The following ZAN variants were observed in gnomAD, a reference collection of about 807,000 sequenced individuals.
The protein encoded by ZAN is zonadhesin (gene/pseudogene).
ZAN carries 260 observed loss-of-function variants against 286.2 expected under a neutral mutation model. That is an observed-to-expected ratio of 0.91 (90% confidence interval 0.82 to 1.01). The LOEUF is 1.01. Among genes scored for constraint, ZAN ranks in the 50% least tolerant of loss-of-function variants. The probability of loss-of-function intolerance (pLI) is 0.00; values close to 1 mark genes in which losing one functional copy is unlikely to be tolerated. For synonymous variants in ZAN, 1,368 were observed against 1,417.5 expected (o/e 0.97, Z 0.79); for missense variants, 3,410 against 3,639.2 (o/e 0.94, Z 1.62).
At position 100,790,956 on chromosome 7, in the gene ZAN, A is replaced by G. The variant is rs548416081; in HGVS notation, c.7372A>G (p.Ser2458Gly). ...TCCTCCCGCAGTGATCTCCCTACCC[A>G]GCATGTACGAGGGGCTTGTGAGTGG... ...GRKNAVISLP[S>G]MYEGLVSGLC... is the part of the protein sequence containing the mutation. The change falls in exon 40 of 48, where the codon AGC becomes GGC. Residue 2458 changes from serine to glycine, a missense_variant. Transcript: ENST00000613979. 1.2e-6 allele frequency: 2 copies of G among 1,611,064 alleles called. No individual in the cohort carries two copies. The highest frequency in any genetic ancestry group is 1.3e-5 in the African/African-American group (1 of 74,570).
Position 100,755,217 on chromosome 7 carries a change from T to G in ZAN, c.3125-9T>G, listed in dbSNP as rs911798533. ...AATGAAAGCATGACAGAGGCTGTTTTCCCCTTAGAGCGCTGCCCTCCAAAT... is the reference window on the plus strand; with the variant it reads ...AATGAAAGCATGACAGAGGCTGTTTGCCCCTTAGAGCGCTGCCCTCCAAAT... On this transcript the variant is annotated splice_polypyrimidine_tract_variant and intron_variant, in intron 14 of 47. Coordinates refer to ENST00000613979, the MANE Select transcript of ZAN (RefSeq NM_003386.3). 6.2e-7 allele frequency: 1 copy of G among 1,603,482 alleles called. No homozygotes were observed. Among genetic ancestry groups the G allele is most frequent in the Admixed American group, 1.7e-5 (1 of 58,558 alleles).
chr7:100,738,534 CG>C lies in ZAN; in HGVS notation c.691del (p.Ala231ProfsTer46), dbSNP rs1562910814. ...ACTGGACCTGGATCCCAACTGCCTC[CG>C]GGGCCAAGTGGACTCAGAAGAAAGG... ...CDWTWIPTAS[G>X]AKWTQKKGSS... On this transcript the variant is annotated frameshift_variant, in exon 7 of 48. Transcript: ENST00000613979. LOFTEE classifies it high-confidence loss of function. 1.3e-6 allele frequency: 2 copies of C among 1,506,918 alleles called. 1 individual carries two copies. The allele number at this position is 1,506,918 out of a possible 1,614,324, so 93.3% of individuals were successfully genotyped here. A position where few individuals can be genotyped will look rare whatever the true frequency, so the allele number is the denominator to read the frequency against.
intron 33 of ZAN, 78 bp downstream of exon 33, chr7:100,775,911 G>T: frequency 1.9e-6 from 3 of 1,552,418 alleles, no homozygotes; most frequent in Non-Finnish European, 2.6e-6. Context: ...GGGGGGCAGT[G>T]TTCGCATCGT....
At chr7:100,753,348 C>T (rs1808919208) in intron 14 of ZAN, 119 bp downstream of exon 14, 5 of 1,170,850 alleles carry the variant, frequency 4.3e-6, no homozygotes, top group Admixed American at 3.1e-5. Context: ...GCTTCTAGTA[C>T]TCTCAGAGGA....
chr7:100,790,950 C>G lies in ZAN; in HGVS notation c.7366C>G (p.Leu2456Val), dbSNP rs1051470194. The G allele has an allele frequency of 2.5e-6, 4 of 1,611,266 alleles. No individual in the cohort carries two copies. ...CCCCCTTCCTCCCGCAGTGATCTCCCTACCCAGCATGTACGAGGGGCTTGT... is the reference window on the plus strand; with the variant it reads ...CCCCCTTCCTCCCGCAGTGATCTCCGTACCCAGCATGTACGAGGGGCTTGT... ...FGGRKNAVISLPSMYEGLVSG... is the reference protein window; with the variant it reads ...FGGRKNAVISVPSMYEGLVSG... Residue 2456 changes from leucine (L) to valine (V), a missense_variant, in exon 40 of 48, where the codon CTA (leucine) becomes GTA (valine). By Grantham distance (32) the Leu-to-Val change is conservative. This residue lies in a region of ZAN where 1,289 missense variants were observed against 1,314.3 expected (regional missense o/e 0.98). Transcript: ENST00000613979.
rs554036179 is a variant in ZAN, at chr7:100,742,968, G to A, written c.767-3570G>A. Among the ~76,000 whole-genome samples, 30 of 124,026 alleles carry A rather than the reference G, an allele frequency of 2.4e-4. 2 individuals carry two copies. Among genetic ancestry groups the A allele is most frequent in the African/African-American group, 7.8e-4 (27 of 34,656 alleles). 81.4% of individuals were successfully genotyped at this position (124,026 alleles called of 152,430 possible). A position where few individuals can be genotyped will look rare whatever the true frequency, so the allele number is the denominator to read the frequency against. ...CCACTGAGGAGAACAGGCAAGGGTC[G>A]ATGCAGAGAGGCTGTTTAGGAGGCT... On this transcript the variant is annotated intron_variant, in intron 7 of 47. Coordinates refer to ENST00000613979, the MANE Select transcript of ZAN (RefSeq NM_003386.3).
chr7:100,784,420 G>A (rs922029502), intron 35 of ZAN, among the ~76,000 whole-genome samples: 5 of 152,014 alleles, frequency 3.3e-5, no homozygotes, highest in African/African-American at 1.2e-4. Context: ...GAGCCACCAT[G>A]CCCAGCCGCT....
rs1808368624 is a variant in ZAN, at chr7:100,748,232, A to AT, written c.1102+17_1102+18insT. The AT allele has an allele frequency of 5.0e-6, 8 of 1,613,872 alleles. No homozygotes were observed. Among genetic ancestry groups the AT allele is most frequent in the Non-Finnish European group, 6.8e-6 (8 of 1,179,852 alleles). On this transcript the variant is annotated intron_variant, in intron 10 of 47. Coordinates refer to ENST00000613979, the MANE Select transcript of ZAN (RefSeq NM_003386.3). ...CTTGTGGGGGTGAGAGCAGGCCCTG[A>AT]GAGGCCCGGATCTCTCAGAATCCGG...
chr7:100,789,047 G>A (rs117802078), intron 38 of ZAN, among the ~76,000 whole-genome samples, 171 bp from the exon 39 acceptor site: 5 of 152,198 alleles, frequency 3.3e-5, no homozygotes, highest in African/African-American at 9.6e-5. Flanking sequence ...GGAAGGGGGC[G>A]GACCTCACAG....
chr7:100,767,247 G>GT lies in ZAN; in HGVS notation c.4851dup (p.Lys1618Ter). The GT allele has an allele frequency of 6.2e-7, 1 of 1,609,510 alleles. No homozygotes were observed. The highest frequency in any genetic ancestry group is 8.5e-7 in the Non-Finnish European group (1 of 1,179,590). ...CTCAGCATCTCACTGCTCAGAGGCT[G>GT]TAAGGTCATGGTGGGTGTCTTCCTC... is the stretch of plus-strand genomic sequence containing the variant. On this transcript the variant is annotated frameshift_variant, in exon 25 of 48. Transcript: ENST00000613979. LOFTEE classifies it high-confidence loss of function.
intron 7 of ZAN, 82 bp from the exon 8 acceptor site, chr7:100,746,456 C>T (rs1562918026): frequency 6.6e-7 from 1 of 1,523,906 alleles, no homozygotes; most frequent in Non-Finnish European, 8.9e-7. Context: ...GAGACAAGTC[C>T]ACAGCCTCCT....
chr7:100,755,883 T>C (rs1051959161), intron 15 of ZAN, among the ~76,000 whole-genome samples: 1 of 152,062 alleles, frequency 6.6e-6, no homozygotes, highest in Non-Finnish European at 1.5e-5. Flanking sequence ...GGCACATTTC[T>C]TTTTTTATTT....
rs774116997 is a variant in ZAN at position 100,759,845 on chromosome 7, G to T, written c.3696G>T (p.Leu1232=). The T allele has an allele frequency of 6.2e-7, 1 of 1,612,154 alleles. No homozygotes were observed. The highest frequency in any genetic ancestry group is 8.5e-7 in the Non-Finnish European group (1 of 1,179,192). Residue 1232 remains leucine, a splice_region_variant and synonymous_variant, in exon 18 of 48, where the codon CTG becomes CTT. Coordinates refer to ENST00000613979, the MANE Select transcript of ZAN (RefSeq NM_003386.3). ...TVTLLKGRRT[L]VGGQQVTLPA... is the part of the protein sequence containing the mutation. ...CCCTGCTTAAGGGCAGACGCACTCT[G>T]GTGAGCCCCATTCCACCCCCACCAT...
At chr7:100,768,033 G>C in intron 26 of ZAN, 22 bp downstream of exon 26, 1 of 1,598,710 alleles carries the variant, frequency 6.3e-7, no homozygotes, top group South Asian at 1.1e-5. Flanking sequence ...GGGCACCTGC[G>C]GGGAAAGCTG....
chr7:100,795,125 C>G, intron 44 of ZAN, 71 bp from the exon 45 acceptor site: 4 of 1,523,442 alleles, frequency 2.6e-6, no homozygotes, highest in Non-Finnish European at 1.8e-6. Flanking sequence ...TCCCAGCCCC[C>G]AGCCAGGCCT....
At position 100,760,391 on chromosome 7, in the gene ZAN, G is replaced by A. The variant is rs1423669634; in HGVS notation, c.3697G>A (p.Val1233Ile). The A allele has an allele frequency of 8.7e-6, 14 of 1,613,558 alleles. No individual in the cohort carries two copies. Among genetic ancestry groups the A allele is most frequent in the African/African-American group, 1.3e-5 (1 of 74,886 alleles). The change falls in exon 19 of 48, where the codon GTT becomes ATT. Residue 1233 changes from valine (V) to isoleucine (I), a missense_variant and splice_region_variant. Around this residue, in one of 7 missense-constraint regions of ZAN, gnomAD observed 1,042 missense variants for 1,058.0 expected, o/e 0.98. Transcript: ENST00000613979. ...CTCTTGCCTCTGCCCTGCCTTCCAG[G>A]TTGGGGGTCAGCAAGTTACTCTCCC... The part of the protein sequence containing the change: ...VTLLKGRRTL[V>I]GGQQVTLPAI...
chr7:100,751,003 GA>G (rs1808624926), intron 12 of ZAN, 107 bp downstream of exon 12: 2 of 1,469,206 alleles, frequency 1.4e-6, no homozygotes, highest in Non-Finnish European at 1.8e-6. Context: ...AAAGAGAGCC[GA>G]GAAAAGGGGA....
rs1313103892 is a variant in ZAN, at chr7:100,733,626, G to A, written c.-165G>A. The A allele has an allele frequency of 7.0e-6, 1 of 141,910 alleles. No homozygotes were observed. Among genetic ancestry groups the A allele is most frequent in the Non-Finnish European group, 1.6e-5 (1 of 63,344 alleles). 8.8% of individuals were successfully genotyped at this position (141,910 alleles called of 1,614,324 possible). ...CATGGTTGCTATTGAAAAGCTGGAT[G>A]CCATGTTGATTTCTGATCCTTGGTA... is the stretch of plus-strand genomic sequence containing the variant. On this transcript the variant is annotated 5_prime_UTR_variant, in exon 1 of 48. It removes an upstream start codon present in the reference 5' UTR. Transcript: ENST00000613979.
Position 100,784,094 on chromosome 7 carries a change from G to A in ZAN, c.6623-529G>A, listed in dbSNP as rs562077654. On this transcript the variant is annotated intron_variant, in intron 35 of 47. Transcript: ENST00000613979. ...CTGCTGCCGTTGCTGTTTGACCACC[G>A]TCCTTCATGCTGGCTTGGGAGAGCC... is the stretch of plus-strand genomic sequence containing the variant. Among the ~76,000 whole-genome samples, 250 of 147,686 alleles carry A rather than the reference G, an allele frequency of 1.7e-3. 2 individuals carry two copies. Among genetic ancestry groups the A allele is most frequent in the Middle Eastern group, 0.014 (4 of 282 alleles).
Sources: allele counts gnomAD v4.1 joint callset (sites outside exome capture counted in the v4.1 genomes callset), GRCh38; gene constraint gnomAD v4.1.1; regional missense constraint gnomAD v4.1.1; transcripts MANE v1.5; gene names NCBI Gene and HGNC (gene_info 2026-07-23, HGNC 2026-07-21).